The following MED12L variants were observed in gnomAD, a reference collection of about 807,000 sequenced individuals.
The protein encoded by MED12L is mediator complex subunit 12L, also known as mediator of RNA polymerase II transcription subunit 12-like protein.
MED12L carries 60 observed loss-of-function variants against 281.3 expected under a neutral mutation model. The ratio of observed to expected loss-of-function variants is 0.21; its 90% CI spans 0.17 to 0.26. The LOEUF (loss-of-function observed/expected upper bound fraction) is 0.26. Among genes scored for constraint, MED12L ranks in the 10% least tolerant of loss-of-function variants. The pLI, the probability that MED12L is intolerant of heterozygous loss-of-function variation, is 1.00. For missense variants in MED12L, 2,146 were observed against 2,680.9 expected, an observed-to-expected ratio of 0.80 and a Z score of 4.41; for synonymous variants, 974 against 987.2, an observed-to-expected ratio of 0.99 and a Z score of 0.25.
At chr3:151,400,190 A>G (rs1479500427) in intron 39 of MED12L, among the ~76,000 whole-genome samples, 1 of 152,226 alleles carries the variant, frequency 6.6e-6, no homozygotes. Context: ...GAAGCAATCT[A>G]AAGTTTTGAC....
intron 16 of MED12L, among the ~76,000 whole-genome samples, chr3:151,251,333 A>G (rs1255879478): frequency 6.6e-6 from 1 of 152,066 alleles, no homozygotes; most frequent in Non-Finnish European, 1.5e-5. Context: ...TCAACAATTA[A>G]ACACTCTGTC....
At chr3:151,254,751 T>G (rs1577137675) in intron 16 of MED12L, among the ~76,000 whole-genome samples, 1 of 152,348 alleles carries the variant, frequency 6.6e-6, no homozygotes, top group East Asian at 1.9e-4. Flanking sequence ...TTGACAAATG[T>G]GCTTGTTATT....
At chr3:151,173,595 A>G (rs1576888198) in intron 11 of MED12L, among the ~76,000 whole-genome samples, 1 of 152,372 alleles carries the variant, frequency 6.6e-6, no homozygotes, top group East Asian at 1.9e-4. Context: ...CAATATTTTA[A>G]TTAGAAAATT....
chr3:151,220,086 G>T (rs1033384366), intron 16 of MED12L, among the ~76,000 whole-genome samples: 2 of 148,546 alleles, frequency 1.3e-5, no homozygotes, highest in African/African-American at 5.0e-5. Flanking sequence ...CCTATGCATT[G>T]TAAGATGTTT....
At chr3:151,364,108 G>GTT (rs1754983433) in intron 21 of MED12L, among the ~76,000 whole-genome samples, 1 of 152,148 alleles carries the variant, frequency 6.6e-6, no homozygotes, top group African/African-American at 2.4e-5. Flanking sequence ...TTTGAGTAGA[G>GTT]AGAGTGAATG....
intron 11 of MED12L, among the ~76,000 whole-genome samples, chr3:151,174,065 A>G (rs1721755883): frequency 6.6e-6 from 1 of 152,158 alleles, no homozygotes; most frequent in Admixed American, 6.6e-5. Flanking sequence ...ATTTTGGAAT[A>G]TTTGCATTAT....
intron 16 of MED12L, among the ~76,000 whole-genome samples, chr3:151,309,122 C>T (rs1486967834): frequency 1.6e-5 from 2 of 127,314 alleles, no homozygotes; most frequent in African/African-American, 6.6e-5. Flanking sequence ...AATACACGCA[C>T]ACACACACAC....
intron 43 of MED12L, among the ~76,000 whole-genome samples, chr3:151,423,495 TAATATC>T (rs1203307328): frequency 6.6e-6 from 1 of 152,226 alleles, no homozygotes; most frequent in Non-Finnish European, 1.5e-5. Flanking sequence ...GGTCTGGACT[TAATATC>T]AATGCCTGTG....
At chr3:151,313,325 A>G (rs574017276) in intron 16 of MED12L, among the ~76,000 whole-genome samples, 5 of 152,284 alleles carry the variant, frequency 3.3e-5, no homozygotes, top group South Asian at 4.1e-4. Context: ...ACTGTAGTCT[A>G]TACTATGGTA....
Position 151,394,719 on chromosome 3 carries a change from A to T in MED12L, c.5672A>T (p.Asn1891Ile), listed in dbSNP as rs780799964. The T allele has an allele frequency of 5.6e-6, 9 of 1,614,154 alleles. No individual in the cohort carries two copies. The highest frequency in any genetic ancestry group is 7.6e-6 in the Non-Finnish European group (9 of 1,180,054). ...ACCAACACCAAACAAGCTCTGTCAAACATGCTACAGCGGCGCTCAGGCGCC... is the reference window on the plus strand; with the variant it reads ...ACCAACACCAAACAAGCTCTGTCAATCATGCTACAGCGGCGCTCAGGCGCC... ...VPTNTKQALS[N>I]MLQRRSGAMM... is the part of the protein sequence containing the mutation. The change falls in exon 39 of 45, where the codon AAC becomes ATC. Residue 1891 changes from asparagine to isoleucine, a missense_variant. Around this residue, in one of 9 missense-constraint regions of MED12L, gnomAD observed 496 missense variants for 512.0 expected, o/e 0.97. Coordinates refer to ENST00000687756, the MANE Select transcript of MED12L (RefSeq NM_001393769.1).
chr3:151,350,257 T>G, intron 17 of MED12L, 51 bp downstream of exon 17: 1 of 1,581,086 alleles, frequency 6.3e-7, no homozygotes, highest in African/African-American at 1.3e-5. Context: ...TTGCCTTCCC[T>G]CTGAGCACAG....
At chr3:151,183,900 G>A (rs1020214770) in intron 11 of MED12L, among the ~76,000 whole-genome samples, 8 of 152,146 alleles carry the variant, frequency 5.3e-5, no homozygotes, top group Non-Finnish European at 1.2e-4. Flanking sequence ...TATTTTTAGG[G>A]TAACTCTTTT....
chr3:151,386,363 G>T (rs2108187721), intron 36 of MED12L, among the ~76,000 whole-genome samples: 1 of 152,170 alleles, frequency 6.6e-6, no homozygotes, highest in Admixed American at 6.5e-5. Flanking sequence ...GGTGGCAATT[G>T]AACCTTGGTT....
At chr3:151,390,933 A>C (rs1714141292) in intron 38 of MED12L, among the ~76,000 whole-genome samples, 1 of 152,184 alleles carries the variant, frequency 6.6e-6, no homozygotes, top group Admixed American at 6.5e-5. Flanking sequence ...AGCGTTTTAG[A>C]TTCAAATCTG....
At chr3:151,141,201 G>GTTTTTTTGTTTTTTTTTT (rs1716973453) in intron 5 of MED12L, among the ~76,000 whole-genome samples, 1 of 58,318 alleles carries the variant, frequency 1.7e-5, no homozygotes, top group African/African-American at 8.2e-5. Context: ...TTTTTTTTTT[G>GTTTTTTTGTTTTTTTTTT]TTAGTAGAGA....
intron 5 of MED12L, among the ~76,000 whole-genome samples, chr3:151,143,417 GA>G (rs561665773): frequency 1.8e-4 from 28 of 152,296 alleles, no homozygotes; most frequent in Non-Finnish European, 3.5e-4. Context: ...AGTGAAAAAA[GA>G]AAATGTAGTT....
intron 5 of MED12L, among the ~76,000 whole-genome samples, chr3:151,133,823 TAAAAATG>T (rs1715747136): frequency 6.6e-6 from 1 of 152,180 alleles, no homozygotes; most frequent in African/African-American, 2.4e-5. Context: ...AGCTAATACT[TAAAAATG>T]AAAAAGTAAA....
intron 42 of MED12L, 71 bp from the exon 43 acceptor site, chr3:151,416,240 TG>T (rs1717533431): frequency 6.2e-7 from 1 of 1,611,504 alleles, no homozygotes; most frequent in Non-Finnish European, 8.5e-7. Flanking sequence ...AAAAGGTATA[TG>T]GGGGAAACAG....
intron 11 of MED12L, among the ~76,000 whole-genome samples, chr3:151,173,355 AGTAC>A (rs1721663758): frequency 6.6e-6 from 1 of 152,222 alleles, no homozygotes; most frequent in Non-Finnish European, 1.5e-5. Context: ...ACTCTTAACT[AGTAC>A]GTTCTATTTC....
Sources: allele counts gnomAD v4.1 joint callset (sites outside exome capture counted in the v4.1 genomes callset), GRCh38; gene constraint gnomAD v4.1.1; regional missense constraint gnomAD v4.1.1; transcripts MANE v1.5; gene names NCBI Gene and HGNC (gene_info 2026-07-23, HGNC 2026-07-21).